ENTREP2: variants seen among roughly 807,000 people sequenced by gnomAD.
The protein encoded by ENTREP2 is endosomal transmembrane epsin interactor 2, also known as protein ENTREP2.
At chr15:29,641,703 G>C in the ENTREP2 span, among the ~76,000 whole-genome samples, 3 of 151,646 alleles carry the variant, frequency 2.0e-5, no homozygotes, top group Non-Finnish European at 4.4e-5. Context: ...ATGGTGGTGC[G>C]CACCTGTAGT....
At chr15:29,515,894 G>A in the ENTREP2 span, among the ~76,000 whole-genome samples, 2 of 152,070 alleles carry the variant, frequency 1.3e-5, no homozygotes, top group African/African-American at 2.4e-5. Flanking sequence ...TACCTATGCC[G>A]TCAAATATGG....
At chr15:29,423,278 T>C in the ENTREP2 span, among the ~76,000 whole-genome samples, 1 of 152,222 alleles carries the variant, frequency 6.6e-6, no homozygotes, top group African/African-American at 2.4e-5. Context: ...TAGGAAATTA[T>C]AGTGGGAATT....
the ENTREP2 span, among the ~76,000 whole-genome samples, chr15:29,464,855 C>A: frequency 1.3e-5 from 2 of 152,144 alleles, no homozygotes; most frequent in African/African-American, 4.8e-5. Context: ...CTGACACCAT[C>A]GGGCCTGTAC....
the ENTREP2 span, among the ~76,000 whole-genome samples, chr15:29,659,468 C>T: frequency 6.6e-6 from 1 of 151,908 alleles, no homozygotes; most frequent in Non-Finnish European, 1.5e-5. Context: ...GAGACTCCAT[C>T]TCAAAAAAAT....
chr15:29,162,426 G>C, the ENTREP2 span, among the ~76,000 whole-genome samples: 3 of 152,142 alleles, frequency 2.0e-5, no homozygotes, highest in East Asian at 1.9e-4. Flanking sequence ...TCTCAAGCCT[G>C]TCTCACCCAC....
the ENTREP2 span, among the ~76,000 whole-genome samples, chr15:29,354,037 G>A: frequency 1.3e-5 from 2 of 152,198 alleles, no homozygotes; most frequent in African/African-American, 4.8e-5. Context: ...CTCCAGAAGA[G>A]GCTAGGATTT....
chr15:29,602,113 A>C, the ENTREP2 span, among the ~76,000 whole-genome samples: 1 of 152,224 alleles, frequency 6.6e-6, no homozygotes, highest in Non-Finnish European at 1.5e-5. Flanking sequence ...CTTAATCAGA[A>C]CCACGAGAAG....
chr15:29,674,226 C>G, the ENTREP2 span, among the ~76,000 whole-genome samples: 1 of 149,448 alleles, frequency 6.7e-6, no homozygotes, highest in Non-Finnish European at 1.5e-5. Flanking sequence ...AAGCAGCAAA[C>G]GCTCCACCCT....
At chr15:29,641,891 A>G in the ENTREP2 span, among the ~76,000 whole-genome samples, 1 of 152,054 alleles carries the variant, frequency 6.6e-6, no homozygotes, top group African/African-American at 2.4e-5. Flanking sequence ...GATCATTAAA[A>G]GGAATAAAAT....
the ENTREP2 span, among the ~76,000 whole-genome samples, chr15:29,166,694 T>A: frequency 3.9e-5 from 6 of 152,014 alleles, no homozygotes; most frequent in African/African-American, 1.4e-4. Flanking sequence ...TTGAAACACA[T>A]CCCAGGCTCG....
At chr15:29,400,314 G>A in the ENTREP2 span, among the ~76,000 whole-genome samples, 2 of 152,064 alleles carry the variant, frequency 1.3e-5, no homozygotes, top group African/African-American at 4.8e-5. Flanking sequence ...TAAGCAAAAA[G>A]GCAGAATATC....
the ENTREP2 span, among the ~76,000 whole-genome samples, chr15:29,659,476 A>G: frequency 1.3e-4 from 20 of 152,242 alleles, no homozygotes; most frequent in African/African-American, 4.3e-4. Context: ...ATCTCAAAAA[A>G]ATAAAAAATA....
chr15:29,451,981 G>C, the ENTREP2 span, among the ~76,000 whole-genome samples: 1 of 152,144 alleles, frequency 6.6e-6, no homozygotes, highest in Admixed American at 6.5e-5. Context: ...TCACTAAAGG[G>C]TTTTAAAACC....
the ENTREP2 span, among the ~76,000 whole-genome samples, chr15:29,505,405 C>G: frequency 6.6e-6 from 1 of 152,210 alleles, no homozygotes; most frequent in South Asian, 2.1e-4. The surrounding 1 kb of genome is among the most constrained non-coding windows in gnomAD (Gnocchi z 4.3). Flanking sequence ...TCGAGCTCTG[C>G]TAAGGGACAG....
At chr15:29,347,436 C>T in the ENTREP2 span, among the ~76,000 whole-genome samples, 1 of 152,038 alleles carries the variant, frequency 6.6e-6, no homozygotes, top group African/African-American at 2.4e-5. Context: ...TCCCAAAAAG[C>T]TTGGAATTAC....
chr15:29,338,522 T>C, the ENTREP2 span, among the ~76,000 whole-genome samples: 1 of 151,760 alleles, frequency 6.6e-6, no homozygotes, highest in Non-Finnish European at 1.5e-5. Flanking sequence ...GACCACAGCC[T>C]GAACAAAGAG....
the ENTREP2 span, among the ~76,000 whole-genome samples, chr15:29,577,196 T>C: frequency 2.0e-5 from 3 of 151,584 alleles, no homozygotes; most frequent in African/African-American, 7.3e-5. Context: ...GCATTTCTGG[T>C]GGGAATGTAA....
At chr15:29,134,083 C>T in the ENTREP2 span, among the ~76,000 whole-genome samples, 3 of 152,086 alleles carry the variant, frequency 2.0e-5, no homozygotes, top group African/African-American at 7.2e-5. Context: ...TGACAGGTGC[C>T]CCACAGTGTA....
the ENTREP2 span, among the ~76,000 whole-genome samples, chr15:29,332,644 G>A: frequency 1.3e-5 from 2 of 152,258 alleles, no homozygotes; most frequent in East Asian, 3.9e-4. Context: ...GAAACATGTT[G>A]CATAAGACAT....
Sources: allele counts gnomAD v4.1 joint callset (sites outside exome capture counted in the v4.1 genomes callset), GRCh38; gene constraint gnomAD v4.1.1; non-coding constraint Gnocchi (gnomAD v3.1); transcripts MANE v1.5; gene names NCBI Gene and HGNC (gene_info 2026-07-23, HGNC 2026-07-21).